ZNF600: variants seen among roughly 807,000 people sequenced by gnomAD.
ZNF600 encodes the protein zinc finger protein 600, also known as zinc finger protein KR-ZNF1.
A neutral mutation model predicts 7.3 loss-of-function variants in ZNF600; 4 were observed. That is an observed-to-expected ratio of 0.55 (90% CI 0.27 to 1.25). The LOEUF (loss-of-function observed/expected upper bound fraction) is 1.25. ZNF600 is among the 50% of genes most tolerant of loss of function. ZNF600 has a pLI of 0.12. For synonymous variants in ZNF600, 290 were observed against 308.9 expected, an observed-to-expected ratio of 0.94 and a Z score of 0.64; for missense variants, 911 against 922.1, an observed-to-expected ratio of 0.99 and a Z score of 0.16.
chr19:52,776,818 T>C (rs1437443521), intron 2 of ZNF600, among the ~76,000 whole-genome samples: 4 of 152,162 alleles, frequency 2.6e-5, no homozygotes, highest in Non-Finnish European at 5.9e-5. Context: ...TATCCACCCA[T>C]GTATTCATGC....
intron 2 of ZNF600, among the ~76,000 whole-genome samples, chr19:52,775,074 T>C (rs766462622): frequency 2.0e-5 from 3 of 152,156 alleles, no homozygotes; most frequent in Non-Finnish European, 4.4e-5. Context: ...AACCTGTCTC[T>C]ACTAAAAATA....
chr19:52,809,333 C>G, the ZNF600 span, among the ~76,000 whole-genome samples: 1 of 152,164 alleles, frequency 6.6e-6, no homozygotes. Context: ...TGTCATTCAG[C>G]CAATTTCCAA....
the ZNF600 span, chr19:52,817,921 A>T: frequency 6.2e-7 from 1 of 1,609,326 alleles, no homozygotes; most frequent in East Asian, 2.2e-5. Flanking sequence ...AGACAGAGCA[A>T]TCCACCGAGA....
chr19:52,824,311 G>T, the ZNF600 span, among the ~76,000 whole-genome samples: 1 of 152,078 alleles, frequency 6.6e-6, no homozygotes, highest in African/African-American at 2.4e-5. Context: ...TTGGCTGACA[G>T]TCTAACACAA....
At chr19:52,784,580 G>A (rs2062749341) in intron 1 of ZNF600, among the ~76,000 whole-genome samples, 1 of 152,142 alleles carries the variant, frequency 6.6e-6, no homozygotes, top group African/African-American at 2.4e-5. Context: ...AAAATTTATA[G>A]AATGTACATG....
intron 1 of ZNF600, among the ~76,000 whole-genome samples, chr19:52,785,799 C>T (rs1474962373): frequency 6.6e-6 from 1 of 152,160 alleles, no homozygotes; most frequent in Non-Finnish European, 1.5e-5. Context: ...ATCCCTCCTC[C>T]TCTCCCTCAC....
the ZNF600 span, among the ~76,000 whole-genome samples, chr19:52,813,249 G>GAAAA: frequency 0.042 from 2,666 of 62,786 alleles, 283 homozygotes; most frequent in Non-Finnish European, 0.055. Flanking sequence ...CTTGAATGGT[G>GAAAA]AAAAAAAAAA....
At chr19:52,831,193 A>G in the ZNF600 span, among the ~76,000 whole-genome samples, 1 of 152,224 alleles carries the variant, frequency 6.6e-6, no homozygotes, top group Non-Finnish European at 1.5e-5. Flanking sequence ...GAAGGAGACC[A>G]TGGATGTGAA....
intron 2 of ZNF600, among the ~76,000 whole-genome samples, chr19:52,776,228 C>G (rs1246778607): frequency 2.0e-5 from 3 of 151,530 alleles, no homozygotes; most frequent in Admixed American, 6.6e-5. Context: ...AGCACTGAAT[C>G]CAGATGTCTG....
chr19:52,801,126 T>G, the ZNF600 span: 1 of 1,614,134 alleles, frequency 6.2e-7, no homozygotes, highest in Non-Finnish European at 8.5e-7. Flanking sequence ...ACATTGTTTC[T>G]CTTCTAAGTG....
rs2062677255 is a variant in ZNF600 at position 52,776,575 on chromosome 19, C to G, written c.64-1874G>C. ...TTGAGGCACCTGCCACTGCGTCCAT[C>G]TAATTTTTGTATATTTAGCAGAGAC... On this transcript the variant is annotated intron_variant, in intron 2 of 3. Transcript: ENST00000648973. Among the ~76,000 whole-genome samples, 6 of 152,228 alleles carry G rather than the reference C, an allele frequency of 3.9e-5. No individual in the cohort carries two copies. The South Asian group carries it at 1.2e-3, about 32-fold the overall frequency.
At chr19:52,821,605 G>C in the ZNF600 span, 11 of 152,168 alleles carry the variant, frequency 7.2e-5, no homozygotes, top group Admixed American at 5.9e-4. Flanking sequence ...CGGCGTCACC[G>C]TCATTCCACG....
chr19:52,779,758 G>A (rs1307416653), intron 1 of ZNF600, among the ~76,000 whole-genome samples: 1 of 152,136 alleles, frequency 6.6e-6, no homozygotes, highest in Admixed American at 6.6e-5. Flanking sequence ...AAACTCAAAA[G>A]AAGGACCCAG....
the ZNF600 span, among the ~76,000 whole-genome samples, chr19:52,810,888 TCCCCC>T: frequency 2.5e-4 from 1 of 3,968 alleles, no homozygotes; most frequent in African/African-American, 1.1e-3. Flanking sequence ...CCCCTCCCCC[TCCCCC>T]TCCCCCTCCC....
chr19:52,816,834 A>AAGTAAT, the ZNF600 span, among the ~76,000 whole-genome samples: 1 of 138,402 alleles, frequency 7.2e-6, no homozygotes, highest in Admixed American at 7.6e-5. Context: ...CCGTTTCAGA[A>AAGTAAT]AATAATAATA....
chr19:52,819,837 T>C, the ZNF600 span, among the ~76,000 whole-genome samples: 1 of 142,960 alleles, frequency 7.0e-6, no homozygotes, highest in Non-Finnish European at 1.5e-5. Context: ...ACACTAACAT[T>C]TATAAAATGC....
At chr19:52,813,346 C>T in the ZNF600 span, among the ~76,000 whole-genome samples, 1 of 149,850 alleles carries the variant, frequency 6.7e-6, no homozygotes, top group Non-Finnish European at 1.5e-5. Flanking sequence ...AGGGGAAGGC[C>T]CAGGGAGTGG....
exon 4 of ZNF600, chr19:52,765,908 C>A (rs376974142): frequency 2.5e-6 from 4 of 1,613,932 alleles, no homozygotes; most frequent in Non-Finnish European, 3.4e-6. Flanking sequence ...TAAAAGCCTT[C>A]CCACATTCAT....
exon 4 of ZNF600, chr19:52,766,581 T>C (rs779325235): frequency 4.3e-6 from 7 of 1,614,144 alleles, no homozygotes; most frequent in Non-Finnish European, 5.9e-6. Flanking sequence ...AAAAGCCTTG[T>C]CACAGACCTT....
Sources: gnomAD v4.1 joint callset for allele counts (sites outside exome capture counted in the v4.1 genomes callset) on GRCh38, gnomAD v4.1.1 for gene constraint, MANE v1.5 for transcripts, NCBI Gene and HGNC (gene_info 2026-07-23, HGNC 2026-07-21) for gene names.